ARHGAP22: variants seen among roughly 807,000 people sequenced by gnomAD.
ARHGAP22 encodes rho GTPase-activating protein 22.
A neutral mutation model predicts 59.1 loss-of-function variants in ARHGAP22; 48 were observed. The observed-to-expected ratio is 0.81, with a 90% CI of 0.64 to 1.03. The LOEUF is 1.03. Ranked by LOEUF, ARHGAP22 falls within the 50% of genes least tolerant of loss-of-function variation. ARHGAP22 has a pLI of 0.00. For missense variants in ARHGAP22, 1,015 were observed against 958.7 expected (o/e 1.06, Z -0.78); for synonymous variants, 445 against 416.4 (o/e 1.07, Z -0.84).
intron 1 of ARHGAP22, among the ~76,000 whole-genome samples, chr10:48,644,998 GA>G (rs1362975650): frequency 3.3e-5 from 5 of 151,958 alleles, no homozygotes; most frequent in African/African-American, 1.2e-4. Flanking sequence ...CTAGCTTGTT[GA>G]AAAGATTAAT....
chr10:48,523,973 C>G, intron 3 of ARHGAP22: 1 of 1,343,174 alleles, frequency 7.4e-7, no homozygotes, highest in Non-Finnish European at 9.8e-7. Context: ...CTGGACACCC[C>G]GTGGCGAGTC....
intron 1 of ARHGAP22, among the ~76,000 whole-genome samples, chr10:48,644,510 C>G (rs1392534421): frequency 1.3e-5 from 2 of 152,144 alleles, no homozygotes; most frequent in Non-Finnish European, 2.9e-5. Flanking sequence ...AGAATATTCT[C>G]TAGGAGAGAC....
chr10:48,609,864 C>T (rs964310870), upstream of ARHGAP22, among the ~76,000 whole-genome samples: 3 of 152,196 alleles, frequency 2.0e-5, no homozygotes, highest in African/African-American at 7.2e-5. Context: ...TATACGAAAC[C>T]TATCATATGC....
intron 2 of ARHGAP22, among the ~76,000 whole-genome samples, chr10:48,565,003 C>T (rs866552236): frequency 1.6e-4 from 24 of 152,300 alleles, no homozygotes; most frequent in Middle Eastern, 6.8e-3. Flanking sequence ...ACAGCAACAG[C>T]GACAATGATT....
intron 1 of ARHGAP22, among the ~76,000 whole-genome samples, chr10:48,650,036 G>A (rs2062488339): frequency 6.6e-6 from 1 of 151,478 alleles, no homozygotes; most frequent in African/African-American, 2.4e-5. Context: ...GGGAGAGAGA[G>A]AGAGAGACCA....
At chr10:48,465,406 G>A (rs545848559) in intron 4 of ARHGAP22, among the ~76,000 whole-genome samples, 2 of 152,366 alleles carry the variant, frequency 1.3e-5, no homozygotes, top group African/African-American at 4.8e-5. Flanking sequence ...GCTCCAATCC[G>A]CGTCCTCTAT....
chr10:48,504,424 G>A (rs1310704538), intron 3 of ARHGAP22, among the ~76,000 whole-genome samples: 1 of 152,200 alleles, frequency 6.6e-6, no homozygotes, highest in East Asian at 1.9e-4. Context: ...CCGCTCTCCT[G>A]GAGAACCAGC....
At chr10:48,470,984 C>A (rs1033791710) in intron 4 of ARHGAP22, among the ~76,000 whole-genome samples, 1 of 152,222 alleles carries the variant, frequency 6.6e-6, no homozygotes, top group Non-Finnish European at 1.5e-5. Flanking sequence ...AGATGTCATT[C>A]CATCAAATGA....
intron 2 of ARHGAP22, among the ~76,000 whole-genome samples, chr10:48,562,841 C>A (rs1016855472): frequency 6.8e-4 from 103 of 152,282 alleles, no homozygotes; most frequent in African/African-American, 2.4e-3. Flanking sequence ...ATTCAGTTAT[C>A]AAAAAACTTT....
At chr10:48,541,888 T>TG (rs1227899267) in intron 3 of ARHGAP22, among the ~76,000 whole-genome samples, 5 of 152,118 alleles carry the variant, frequency 3.3e-5, no homozygotes, top group Non-Finnish European at 7.4e-5. Context: ...TTGAGCTCCA[T>TG]GGGGGGAGTT....
At chr10:48,583,886 G>A (rs1269863937) in intron 1 of ARHGAP22, among the ~76,000 whole-genome samples, 5 of 152,186 alleles carry the variant, frequency 3.3e-5, no homozygotes, top group South Asian at 2.1e-4. Flanking sequence ...CTGAGTGCCC[G>A]TGAGCCCTGC....
At chr10:48,582,230 T>C (rs1249916118) in intron 2 of ARHGAP22, among the ~76,000 whole-genome samples, 2 of 152,164 alleles carry the variant, frequency 1.3e-5, no homozygotes, top group Admixed American at 6.5e-5. Context: ...TAGAAGCAGC[T>C]TTTCGGACAA....
intron 1 of ARHGAP22, among the ~76,000 whole-genome samples, chr10:48,590,712 C>T (rs1202501770): frequency 2.6e-5 from 4 of 152,200 alleles, no homozygotes; most frequent in African/African-American, 9.7e-5. Flanking sequence ...GCACGCCTTC[C>T]CAGTCACTGA....
intron 1 of ARHGAP22, among the ~76,000 whole-genome samples, chr10:48,631,334 G>C (rs899388011): frequency 6.6e-6 from 1 of 152,148 alleles, no homozygotes; most frequent in Admixed American, 6.5e-5. Flanking sequence ...GTTAGAAACT[G>C]TTACCTCCAT....
chr10:48,443,561 A>G (rs1458440350), downstream of ARHGAP22, among the ~76,000 whole-genome samples: 3 of 152,232 alleles, frequency 2.0e-5, no homozygotes, highest in Admixed American at 6.5e-5. Context: ...AGGCAGGAGT[A>G]AGGAGACACA....
chr10:48,601,615 C>A (rs2060388471), intron 1 of ARHGAP22, among the ~76,000 whole-genome samples: 1 of 152,168 alleles, frequency 6.6e-6, no homozygotes, highest in Non-Finnish European at 1.5e-5. Flanking sequence ...CCACTCCACC[C>A]TCCCAATTAG....
intron 1 of ARHGAP22, among the ~76,000 whole-genome samples, chr10:48,627,304 A>G (rs2061485770): frequency 6.6e-6 from 1 of 152,200 alleles, no homozygotes; most frequent in Non-Finnish European, 1.5e-5. Flanking sequence ...AGTAGGACGG[A>G]GTGTGGATGG....
Position 48,632,154 on chromosome 10 carries a change from T to C in ARHGAP22, c.52+20080A>G, listed in dbSNP as rs949907545. 2.6e-5 allele frequency among the ~76,000 whole-genome samples: 4 copies of C among 152,330 alleles called. No homozygotes were observed. The South Asian group carries it at 8.3e-4, about 32-fold the overall frequency. ...TTCCCCACGAGTCCTCAAAGTCCAT[T>C]ATATAATTCTTACGCCTTTGCATCC... is the stretch of plus-strand genomic sequence containing the variant. On this transcript the variant is annotated intron_variant, in intron 1 of 9. Transcript: ENST00000435790.
At chr10:48,559,110 G>A (rs541066148) in intron 2 of ARHGAP22, among the ~76,000 whole-genome samples, 1 of 152,276 alleles carries the variant, frequency 6.6e-6, no homozygotes, top group East Asian at 1.9e-4. Context: ...TTTGAGGAGC[G>A]CAAAGTGAGT....
Sources: gnomAD v4.1 joint callset for allele counts (sites outside exome capture counted in the v4.1 genomes callset) on GRCh38, gnomAD v4.1.1 for gene constraint, MANE v1.5 for transcripts, NCBI Gene and HGNC (gene_info 2026-07-23, HGNC 2026-07-21) for gene names.